MEOX2: variants seen among roughly 807,000 people sequenced by gnomAD.
The protein encoded by MEOX2 is mesenchyme homeobox 2, also known as homeobox protein MOX-2.
In MEOX2, 11 loss-of-function variants were observed where a neutral mutation model predicts 27.0. That is an observed-to-expected ratio of 0.41 (90% confidence interval 0.26 to 0.68). The LOEUF (loss-of-function observed/expected upper bound fraction) is 0.68, where lower values mean the gene tolerates loss of function less well. Ranked by LOEUF, MEOX2 falls within the 30% of genes least tolerant of loss-of-function variation. The pLI is 0.33. For synonymous variants in MEOX2, 189 were observed against 155.4 expected (o/e 1.22, Z -1.61); for missense variants, 436 against 385.4 (o/e 1.13, Z -1.10).
intron 1 of MEOX2, among the ~76,000 whole-genome samples, chr7:15,639,321 G>C (rs1318448358): frequency 6.6e-6 from 1 of 151,722 alleles, no homozygotes; most frequent in African/African-American, 2.4e-5. Context: ...TTTATAATGG[G>C]GTTGTCTGTC....
intron 1 of MEOX2, among the ~76,000 whole-genome samples, chr7:15,676,636 C>T (rs376860397): frequency 2.0e-5 from 3 of 152,042 alleles, no homozygotes; most frequent in Non-Finnish European, 2.9e-5. Flanking sequence ...TTTGAGAGGC[C>T]GAGGTGGGCA....
chr7:15,631,874 A>C (rs547327134), intron 1 of MEOX2, among the ~76,000 whole-genome samples: 45 of 136,822 alleles, frequency 3.3e-4, no homozygotes, highest in African/African-American at 1.2e-3. Context: ...AAATTTTACC[A>C]AAAAGAAAAG....
At chr7:15,661,963 A>G (rs1583778333) in intron 1 of MEOX2, among the ~76,000 whole-genome samples, 1 of 152,100 alleles carries the variant, frequency 6.6e-6, no homozygotes, top group Non-Finnish European at 1.5e-5. Context: ...AATAAAATAA[A>G]CTTGTTTTGT....
intron 1 of MEOX2, among the ~76,000 whole-genome samples, chr7:15,672,160 T>C (rs555022400): frequency 6.6e-6 from 1 of 152,310 alleles, no homozygotes; most frequent in African/African-American, 2.4e-5. Flanking sequence ...CTATTTTTTA[T>C]TTTCAAATCA....
At chr7:15,675,927 G>A (rs551486061) in intron 1 of MEOX2, 1 of 152,104 alleles carries the variant, frequency 6.6e-6, no homozygotes, top group South Asian at 2.1e-4. Flanking sequence ...CTTGTTTTAG[G>A]GATCAAATTG....
rs1478798170 is a variant in MEOX2, at chr7:15,648,305, A to G, written c.518-21387T>C. ...TTTAAATGAATAAAAAGCAATTTTA[A>G]CCCTACAATCGTAATAAACGAGATT... On this transcript the variant is annotated intron_variant, in intron 1 of 2. Transcript: ENST00000262041. Among the ~76,000 whole-genome samples the G allele has an allele frequency of 4.6e-5, 7 of 152,250 alleles. No homozygotes were observed. In the East Asian group the frequency reaches 1.4e-3, roughly 29 times the overall value.
intron 1 of MEOX2, among the ~76,000 whole-genome samples, chr7:15,640,274 G>T (rs1165067577): frequency 1.3e-5 from 2 of 151,726 alleles, no homozygotes; most frequent in African/African-American, 4.8e-5. Flanking sequence ...GTGTGTGTGT[G>T]TGTGTGTTTC....
At chr7:15,619,366 A>C (rs1274920628) in intron 2 of MEOX2, among the ~76,000 whole-genome samples, 3 of 152,122 alleles carry the variant, frequency 2.0e-5, no homozygotes, top group South Asian at 2.1e-4. Context: ...GATGTAATGT[A>C]TGATATGTTC....
At chr7:15,678,341 G>C (rs1355725537) in intron 1 of MEOX2, among the ~76,000 whole-genome samples, 1 of 152,060 alleles carries the variant, frequency 6.6e-6, no homozygotes, top group African/African-American at 2.4e-5. Context: ...TATTTATATG[G>C]TTCTTTAAAT....
At chr7:15,684,705 G>A (rs931286730) in intron 1 of MEOX2, among the ~76,000 whole-genome samples, 9 of 152,104 alleles carry the variant, frequency 5.9e-5, no homozygotes, top group Non-Finnish European at 7.3e-5. Context: ...TACCTTCTAG[G>A]ACTATTATTA....
chr7:15,684,361 A>C (rs1183165054), intron 1 of MEOX2, among the ~76,000 whole-genome samples: 1 of 152,202 alleles, frequency 6.6e-6, no homozygotes, highest in Admixed American at 6.5e-5. Context: ...CCTTTTTGCT[A>C]TGATTAACCT....
At chr7:15,625,315 A>G (rs1017498835) in intron 2 of MEOX2, among the ~76,000 whole-genome samples, 2 of 152,184 alleles carry the variant, frequency 1.3e-5, no homozygotes, top group Non-Finnish European at 1.5e-5. Context: ...AGCATGCCAA[A>G]TGTTGAACCC....
At chr7:15,679,400 A>G (rs1018761185) in intron 1 of MEOX2, 1 of 152,128 alleles carries the variant, frequency 6.6e-6, no homozygotes, top group Non-Finnish European at 1.5e-5. Context: ...AATTTTAATC[A>G]ATGTAGCCTA....
chr7:15,672,069 G>T (rs908770514), intron 1 of MEOX2, among the ~76,000 whole-genome samples: 2 of 151,180 alleles, frequency 1.3e-5, no homozygotes, highest in Non-Finnish European at 2.9e-5. Context: ...CTCCAACCTG[G>T]GTGACAGAGC....
chr7:15,649,012 C>A (rs1781692394), intron 1 of MEOX2, among the ~76,000 whole-genome samples: 1 of 152,022 alleles, frequency 6.6e-6, no homozygotes, highest in African/African-American at 2.4e-5. Context: ...TTCTGGGAGG[C>A]CCTCCCACAA....
intron 1 of MEOX2, among the ~76,000 whole-genome samples, chr7:15,665,675 T>G (rs1384892901): frequency 6.6e-6 from 1 of 152,184 alleles, no homozygotes; most frequent in Non-Finnish European, 1.5e-5. Context: ...TTAGATTCCA[T>G]TTTAAAAATA....
At chr7:15,632,719 A>G (rs902347813) in intron 1 of MEOX2, among the ~76,000 whole-genome samples, 3 of 151,980 alleles carry the variant, frequency 2.0e-5, no homozygotes, top group Admixed American at 1.3e-4. Context: ...ACTTAACACA[A>G]AAACAAAACC....
intron 2 of MEOX2, among the ~76,000 whole-genome samples, chr7:15,621,094 A>G (rs925531141): frequency 2.0e-5 from 3 of 152,202 alleles, no homozygotes; most frequent in African/African-American, 7.2e-5. Flanking sequence ...GTCCAAATTA[A>G]AAATACCTTG....
chr7:15,636,271 C>G (rs1781477402), intron 1 of MEOX2, among the ~76,000 whole-genome samples: 1 of 151,824 alleles, frequency 6.6e-6, no homozygotes, highest in African/African-American at 2.4e-5. Context: ...AAAAAAATCC[C>G]TTAGATATTT....
Sources: gnomAD v4.1 joint callset for allele counts (sites outside exome capture counted in the v4.1 genomes callset) on GRCh38, gnomAD v4.1.1 for gene constraint, MANE v1.5 for transcripts, NCBI Gene and HGNC (gene_info 2026-07-23, HGNC 2026-07-21) for gene names.